The following GPHN variants were observed in gnomAD, a reference collection of about 807,000 sequenced individuals.
The protein encoded by GPHN is gephyrin.
In GPHN, 17 loss-of-function variants were observed where a neutral mutation model predicts 95.5. That is an observed-to-expected ratio of 0.18 (90% CI 0.12 to 0.27). The LOEUF (loss-of-function observed/expected upper bound fraction) is 0.27, where lower values mean the gene tolerates loss of function less well. GPHN is among the 10% of genes least tolerant of loss of function. GPHN has a pLI of 1.00. For missense variants in GPHN, 660 were observed against 978.1 expected, an observed-to-expected ratio of 0.67 and a Z score of 4.34; for synonymous variants, 320 against 322.5, an observed-to-expected ratio of 0.99 and a Z score of 0.08.
At chr14:67,415,713 A>G in the GPHN span, among the ~76,000 whole-genome samples, 4 of 152,350 alleles carry the variant, frequency 2.6e-5, no homozygotes, top group South Asian at 8.3e-4. Flanking sequence ...AATAGCAAAG[A>G]CATGGAATCA....
the GPHN span, among the ~76,000 whole-genome samples, chr14:67,559,059 C>T: frequency 6.6e-5 from 10 of 152,328 alleles, no homozygotes; most frequent in East Asian, 9.6e-4. Flanking sequence ...GAGAGTCTGA[C>T]GTTGTCTGAT....
At chr14:66,755,461 C>A (rs1290133215) in intron 2 of GPHN, among the ~76,000 whole-genome samples, 1 of 151,986 alleles carries the variant, frequency 6.6e-6, no homozygotes, top group African/African-American at 2.4e-5. Flanking sequence ...CCTCAGAAGT[C>A]ATTTAAAGTG....
At chr14:67,380,133 A>G in the GPHN span, among the ~76,000 whole-genome samples, 1 of 152,042 alleles carries the variant, frequency 6.6e-6, no homozygotes, top group South Asian at 2.1e-4. Context: ...TCTTTATTTC[A>G]TATTTTCATT....
intron 9 of GPHN, among the ~76,000 whole-genome samples, chr14:67,013,524 C>T (rs757783240): frequency 2.6e-5 from 4 of 152,072 alleles, no homozygotes; most frequent in South Asian, 2.1e-4. Flanking sequence ...ACATAATGTA[C>T]GCCATACATA....
Position 66,974,084 on chromosome 14 carries a change from C to T in GPHN, c.963+8759C>T, listed in dbSNP as rs569319146. 5.0e-4 allele frequency among the ~76,000 whole-genome samples: 76 copies of T among 152,272 alleles called. 1 individual carries two copies. The South Asian group carries it at 0.015, about 30-fold the overall frequency. The stretch of plus-strand genomic sequence containing the variant: ...CCTAATTCTCTGTTATCTAATTTCT[C>T]CTCCCTTATAACATGTTTGTTTGGG... On this transcript the variant is annotated intron_variant, in intron 9 of 22. Transcript: ENST00000478722.
chr14:67,569,181 C>G, the GPHN span: 6 of 1,613,268 alleles, frequency 3.7e-6, no homozygotes, highest in Non-Finnish European at 5.1e-6. Context: ...ATGCGGCTCT[C>G]AGATATGTCT....
At chr14:67,682,473 G>C in the GPHN span, among the ~76,000 whole-genome samples, 2 of 152,002 alleles carry the variant, frequency 1.3e-5, no homozygotes, top group Non-Finnish European at 2.9e-5. Flanking sequence ...CCCCAACAAA[G>C]AAACAAATGA....
At chr14:67,023,311 AT>A (rs2073755032) in intron 9 of GPHN, among the ~76,000 whole-genome samples, 1 of 152,116 alleles carries the variant, frequency 6.6e-6, no homozygotes, top group South Asian at 2.1e-4. Flanking sequence ...TTAAGGGCCA[AT>A]ATTTACAACT....
chr14:67,729,590 A>T, the GPHN span: 1 of 642,750 alleles, frequency 1.6e-6, no homozygotes, highest in Non-Finnish European at 2.8e-6. Context: ...GCTTTATTTT[A>T]TACTCGTGTG....
chr14:67,060,463 G>A (rs888933290), intron 11 of GPHN, among the ~76,000 whole-genome samples: 3 of 152,118 alleles, frequency 2.0e-5, no homozygotes, highest in African/African-American at 7.2e-5. Flanking sequence ...GTGCAAATGG[G>A]TATTGTAATT....
At chr14:66,864,393 GA>G (rs2063150736) in intron 4 of GPHN, among the ~76,000 whole-genome samples, 1 of 152,144 alleles carries the variant, frequency 6.6e-6, no homozygotes, top group Non-Finnish European at 1.5e-5. Flanking sequence ...AACCACCATG[GA>G]GAACAGTTTG....
chr14:67,700,608 G>C, the GPHN span, among the ~76,000 whole-genome samples: 1 of 151,764 alleles, frequency 6.6e-6, no homozygotes, highest in Non-Finnish European at 1.5e-5. Context: ...CCAGCTACTC[G>C]GGAGGCTGAG....
chr14:67,243,195 T>C, the GPHN span, among the ~76,000 whole-genome samples: 1 of 150,176 alleles, frequency 6.7e-6, no homozygotes, highest in Admixed American at 6.6e-5. Context: ...TGTCTTTTCT[T>C]TTTTTTTTTG....
chr14:67,285,615 G>A, the GPHN span, among the ~76,000 whole-genome samples: 9 of 152,132 alleles, frequency 5.9e-5, 2 homozygotes, highest in Middle Eastern at 3.4e-3. Flanking sequence ...TGATCCAGCC[G>A]CCTCGGTCTC....
At chr14:67,350,723 C>G in the GPHN span, 1 of 1,578,330 alleles carries the variant, frequency 6.3e-7, no homozygotes, top group East Asian at 2.2e-5. Flanking sequence ...CAGATTCAAC[C>G]AAGCCTTTTA....
chr14:67,376,844 T>G, the GPHN span, among the ~76,000 whole-genome samples: 1 of 152,350 alleles, frequency 6.6e-6, no homozygotes, highest in South Asian at 2.1e-4. Flanking sequence ...GCTATGGGAC[T>G]AAAGAGCATG....
the GPHN span, among the ~76,000 whole-genome samples, chr14:67,584,897 T>C: frequency 1.3e-5 from 2 of 152,360 alleles, no homozygotes; most frequent in African/African-American, 4.8e-5. Flanking sequence ...TAAAGGCATA[T>C]AACAGGGACC....
At chr14:67,304,964 C>T in the GPHN span, among the ~76,000 whole-genome samples, 1 of 152,134 alleles carries the variant, frequency 6.6e-6, no homozygotes, top group African/African-American at 2.4e-5. Context: ...GCTATCATTC[C>T]ATGTTTTCCC....
the GPHN span, among the ~76,000 whole-genome samples, chr14:67,504,000 C>A: frequency 2.1e-5 from 3 of 140,256 alleles, no homozygotes; most frequent in South Asian, 2.3e-4. Flanking sequence ...CTGTGCCCAG[C>A]CTATTTTTTA....
Sources: allele counts gnomAD v4.1 joint callset (sites outside exome capture counted in the v4.1 genomes callset), GRCh38; gene constraint gnomAD v4.1.1; transcripts MANE v1.5; gene names NCBI Gene and HGNC (gene_info 2026-07-23, HGNC 2026-07-21).